Variants in LRRC72 observed in about 807,000 individuals in gnomAD.
LRRC72 encodes the protein leucine rich repeat containing 72.
A neutral mutation model predicts 35.8 loss-of-function variants in LRRC72; 41 were observed. The observed-to-expected ratio is 1.15, with a 90% confidence interval of 0.89 to 1.49. The LOEUF (loss-of-function observed/expected upper bound fraction) is 1.49, where lower values mean the gene tolerates loss of function less well. Ranked by LOEUF, LRRC72 falls within the 40% of genes most tolerant of loss-of-function variation. The probability of loss-of-function intolerance (pLI) is 0.00; values close to 1 mark genes in which losing one functional copy is unlikely to be tolerated. For synonymous variants in LRRC72, 118 were observed against 119.2 expected, an observed-to-expected ratio of 0.99 and a Z score of 0.07; for missense variants, 389 against 330.7, an observed-to-expected ratio of 1.18 and a Z score of -1.37.
rs754908786 is a variant in LRRC72, at chr7:16,567,563, A to AC, written c.670+20_670+21insC. On this transcript the variant is annotated intron_variant, in intron 7 of 8. Transcript: ENST00000401542. ...CTTCAGGTATTTCGTAAAAAAAAAA[A>AC]AAAAAACAAATTTAATGAAATTAAA... 59 of 1,417,932 alleles carry AC rather than the reference A, an allele frequency of 4.2e-5. No individual in the cohort carries two copies. The East Asian group carries it at 1.1e-3, about 26-fold the overall frequency. The allele number at this position is 1,417,932 out of a possible 1,614,324, so 87.8% of individuals were successfully genotyped here.
intron 7 of LRRC72, among the ~76,000 whole-genome samples, chr7:16,570,908 T>A (rs1484820306): frequency 6.6e-6 from 1 of 152,110 alleles, no homozygotes; most frequent in East Asian, 1.9e-4. Flanking sequence ...TAGTCAAGAT[T>A]CACAATTAGA....
At chr7:16,569,474 G>C (rs1782905854) in intron 7 of LRRC72, among the ~76,000 whole-genome samples, 1 of 152,098 alleles carries the variant, frequency 6.6e-6, no homozygotes, top group Admixed American at 6.5e-5. Flanking sequence ...ATTCCTAAAT[G>C]AATGACTTAC....
At chr7:16,543,666 C>A (rs1171125433) in intron 3 of LRRC72, among the ~76,000 whole-genome samples, 10 of 152,216 alleles carry the variant, frequency 6.6e-5, no homozygotes, top group Admixed American at 5.2e-4. Context: ...GAACAGGCAT[C>A]TAACCTAATT....
intron 3 of LRRC72, among the ~76,000 whole-genome samples, chr7:16,556,643 T>C (rs1363743527): frequency 6.6e-6 from 1 of 152,112 alleles, no homozygotes; most frequent in East Asian, 1.9e-4. Flanking sequence ...AGGAGATGGT[T>C]ATACATGAGG....
intron 3 of LRRC72, among the ~76,000 whole-genome samples, chr7:16,554,501 T>G (rs955285802): frequency 8.5e-5 from 13 of 152,178 alleles, no homozygotes; most frequent in African/African-American, 2.9e-4. Flanking sequence ...TCCTGCAACC[T>G]TTACTCTACT....
intron 2 of LRRC72, among the ~76,000 whole-genome samples, chr7:16,534,110 T>C (rs1782212993): frequency 6.6e-6 from 1 of 152,338 alleles, no homozygotes; most frequent in African/African-American, 2.4e-5. Context: ...TATTTCCCAG[T>C]CCAGATGCCA....
rs1271450635 is a variant in LRRC72, at chr7:16,532,491, T to G, written c.91-4T>G. 6.5e-7 allele frequency: 1 copy of G among 1,547,322 alleles called. No individual in the cohort carries two copies. Among genetic ancestry groups the G allele is most frequent in the Non-Finnish European group, 8.7e-7 (1 of 1,143,968 alleles). On this transcript the variant is annotated splice_polypyrimidine_tract_variant and splice_region_variant and intron_variant, in intron 1 of 8. Coordinates refer to ENST00000401542, the MANE Select transcript of LRRC72 (RefSeq NM_001195280.2). Reference sequence around the variant, plus strand: ...AGTTTGACAGATTAATTATATGTTATCAGGCAGTTGAAGATCAGCTAAAGA... The same window carrying G: ...AGTTTGACAGATTAATTATATGTTAGCAGGCAGTTGAAGATCAGCTAAAGA...
chr7:16,562,007 C>T (rs1409392451), intron 5 of LRRC72, among the ~76,000 whole-genome samples: 6 of 152,124 alleles, frequency 3.9e-5, no homozygotes, highest in African/African-American at 1.4e-4. Context: ...GAGAAAATAG[C>T]CTGAAGGGCA....
chr7:16,578,403 G>A (rs2128339492), intron 7 of LRRC72, among the ~76,000 whole-genome samples: 1 of 152,180 alleles, frequency 6.6e-6, no homozygotes, highest in South Asian at 2.1e-4. Context: ...AACCCAGGAG[G>A]CAGAGGTTGC....
At chr7:16,530,952 T>C (rs1210018601) in intron 1 of LRRC72, among the ~76,000 whole-genome samples, 1 of 152,014 alleles carries the variant, frequency 6.6e-6, no homozygotes, top group East Asian at 1.9e-4. Flanking sequence ...ATCCTAGCAC[T>C]TTGGGAGGCC....
At chr7:16,527,212 C>A (rs1456724588) in intron 1 of LRRC72, among the ~76,000 whole-genome samples, 170 bp downstream of exon 1, 1 of 152,134 alleles carries the variant, frequency 6.6e-6, no homozygotes, top group African/African-American at 2.4e-5. Flanking sequence ...AAAAGGAGAA[C>A]AAAGAATCCA....
At chr7:16,539,448 AC>A (rs762990954) in intron 3 of LRRC72, among the ~76,000 whole-genome samples, 9 of 152,258 alleles carry the variant, frequency 5.9e-5, no homozygotes, top group Non-Finnish European at 1.2e-4. Context: ...TGAAACTGAA[AC>A]TTTTATTTAA....
chr7:16,548,317 C>T (rs552240953), intron 3 of LRRC72, among the ~76,000 whole-genome samples: 1 of 152,220 alleles, frequency 6.6e-6, no homozygotes, highest in Admixed American at 6.5e-5. Context: ...AGAGCCATAA[C>T]ACAAACAGGG....
At chr7:16,557,522 C>A in intron 4 of LRRC72, 81 bp downstream of exon 4, 1 of 421,098 alleles carries the variant, frequency 2.4e-6, no homozygotes, top group Non-Finnish European at 4.1e-6. Flanking sequence ...TAATGACAGA[C>A]AAAAATCTGT....
intron 3 of LRRC72, among the ~76,000 whole-genome samples, chr7:16,541,264 T>C (rs1782352521): frequency 1.3e-5 from 2 of 152,244 alleles, no homozygotes; most frequent in South Asian, 4.1e-4. Context: ...GATAACCCAA[T>C]CTTAGCATTT....
intron 1 of LRRC72, among the ~76,000 whole-genome samples, chr7:16,531,473 A>G (rs1782164064): frequency 6.6e-6 from 1 of 152,208 alleles, no homozygotes; most frequent in South Asian, 2.1e-4. Context: ...TGCACTAAAT[A>G]TAACTCCTGT....
chr7:16,564,954 C>T (rs530271044), intron 5 of LRRC72, among the ~76,000 whole-genome samples: 3 of 152,092 alleles, frequency 2.0e-5, no homozygotes, highest in Non-Finnish European at 2.9e-5. Flanking sequence ...CTTTATCAAA[C>T]CTGTATTTTA....
At chr7:16,567,647 C>G in intron 7 of LRRC72, 104 bp downstream of exon 7, 1 of 946,480 alleles carries the variant, frequency 1.1e-6, no homozygotes, top group Non-Finnish European at 1.5e-6. Flanking sequence ...TTACAATAAA[C>G]TTAAGTATCT....
At chr7:16,533,816 G>A (rs1321073807) in intron 2 of LRRC72, among the ~76,000 whole-genome samples, 1 of 152,200 alleles carries the variant, frequency 6.6e-6, no homozygotes, top group East Asian at 1.9e-4. Flanking sequence ...AGAGCATTCT[G>A]ACACATTTAA....
Sources: gnomAD v4.1 joint callset for allele counts (sites outside exome capture counted in the v4.1 genomes callset) on GRCh38, gnomAD v4.1.1 for gene constraint, MANE v1.5 for transcripts, NCBI Gene and HGNC (gene_info 2026-07-23, HGNC 2026-07-21) for gene names.